Variants in ZFHX3 observed in about 807,000 individuals in gnomAD.
ZFHX3 encodes the protein zinc finger homeobox 3.
In ZFHX3, 42 loss-of-function variants were observed where a neutral mutation model predicts 279.1. The ratio of observed to expected loss-of-function variants is 0.15; its 90% CI spans 0.12 to 0.19. The LOEUF (loss-of-function observed/expected upper bound fraction) is 0.19, where lower values mean the gene tolerates loss of function less well. Ranked by LOEUF, ZFHX3 falls within the 10% of genes least tolerant of loss-of-function variation. The probability of loss-of-function intolerance (pLI) is 1.00; values close to 1 mark genes in which losing one functional copy is unlikely to be tolerated. For missense variants in ZFHX3, 4,981 were observed against 4,754.0 expected (o/e 1.05, Z -1.40); for synonymous variants, 2,293 against 1,957.8 (o/e 1.17, Z -4.52).
intron 2 of ZFHX3, among the ~76,000 whole-genome samples, chr16:73,617,728 TA>T (rs1391710090): frequency 1.3e-5 from 2 of 152,206 alleles, no homozygotes; most frequent in African/African-American, 4.8e-5. Context: ...AACTGTGTTA[TA>T]AAAAAGTATA....
chr16:73,702,078 G>C (rs1002093016), intron 1 of ZFHX3, among the ~76,000 whole-genome samples: 3 of 152,028 alleles, frequency 2.0e-5, no homozygotes, highest in African/African-American at 7.3e-5. Flanking sequence ...CCAAATCAAG[G>C]AGGTGGAGAG....
At chr16:73,851,612 G>A (rs2142380126) in intron 1 of ZFHX3, among the ~76,000 whole-genome samples, 1 of 152,312 alleles carries the variant, frequency 6.6e-6, no homozygotes, top group South Asian at 2.1e-4. Flanking sequence ...TCTTCAAAGT[G>A]TAGCACATAT....
chr16:73,208,078 T>C (rs772116680), intron 5 of ZFHX3, among the ~76,000 whole-genome samples: 1 of 152,126 alleles, frequency 6.6e-6, no homozygotes, highest in African/African-American at 2.4e-5. Flanking sequence ...GCTGGATGGT[T>C]CCATTTTTGA....
intron 5 of ZFHX3, among the ~76,000 whole-genome samples, chr16:73,193,990 G>T (rs1044166646): frequency 6.6e-6 from 1 of 152,134 alleles, no homozygotes; most frequent in African/African-American, 2.4e-5. Flanking sequence ...GAAAGACCTC[G>T]CTAGGACCCT....
At chr16:73,867,616 G>T (rs976903175) in intron 1 of ZFHX3, among the ~76,000 whole-genome samples, 2 of 152,148 alleles carry the variant, frequency 1.3e-5, no homozygotes, top group Admixed American at 6.5e-5. Context: ...TAATCCTCAT[G>T]GTACTTAACA....
At chr16:72,983,629 C>T (rs534525629) in intron 1 of ZFHX3, among the ~76,000 whole-genome samples, 27 of 152,244 alleles carry the variant, frequency 1.8e-4, no homozygotes, top group Non-Finnish European at 3.2e-4. Context: ...ATCGCTTGAG[C>T]CCAGGAGTTC....
intron 5 of ZFHX3, among the ~76,000 whole-genome samples, chr16:72,817,636 G>A (rs1415551220): frequency 2.0e-5 from 3 of 152,180 alleles, no homozygotes; most frequent in Non-Finnish European, 4.4e-5. Flanking sequence ...TCTGGCCAGA[G>A]GCCTCCCTCC....
chr16:73,466,654 A>T (rs1037448151), intron 2 of ZFHX3, among the ~76,000 whole-genome samples: 4 of 152,200 alleles, frequency 2.6e-5, no homozygotes, highest in African/African-American at 9.7e-5. Context: ...TGGAGCATGC[A>T]TGTGTGCACA....
At chr16:73,373,401 G>A (rs2016666634) in intron 3 of ZFHX3, among the ~76,000 whole-genome samples, 1 of 152,276 alleles carries the variant, frequency 6.6e-6, no homozygotes, top group South Asian at 2.1e-4. Flanking sequence ...TGGTCCTCAG[G>A]AGATGGACCT....
chr16:73,822,954 G>C (rs1222573869), intron 1 of ZFHX3, among the ~76,000 whole-genome samples: 1 of 152,154 alleles, frequency 6.6e-6, no homozygotes, highest in East Asian at 1.9e-4. Context: ...TATTCATTCA[G>C]CAAATTTTCA....
At chr16:73,698,264 T>TA (rs2053215755) in intron 1 of ZFHX3, among the ~76,000 whole-genome samples, 1 of 151,832 alleles carries the variant, frequency 6.6e-6, no homozygotes, top group South Asian at 2.1e-4. Context: ...ACTGAATAAA[T>TA]AAAAAATGGA....
At chr16:73,183,513 A>G (rs905035055) in intron 5 of ZFHX3, among the ~76,000 whole-genome samples, 2 of 152,164 alleles carry the variant, frequency 1.3e-5, no homozygotes, top group African/African-American at 4.8e-5. Flanking sequence ...GAAGGGGTCC[A>G]TCCAATGTTC....
chr16:73,303,963 G>GGAAAA (rs781722281), intron 4 of ZFHX3, among the ~76,000 whole-genome samples: 7,245 of 75,904 alleles, frequency 0.095, 321 homozygotes, highest in Non-Finnish European at 0.12. Flanking sequence ...ACCCTAGGTG[G>GGAAAA]AAAAAAAAAA....
intron 3 of ZFHX3, among the ~76,000 whole-genome samples, chr16:73,373,142 TGG>T (rs35207219): frequency 0.34 from 51,693 of 150,684 alleles, 9,252 homozygotes; most frequent in African/African-American, 0.44. Flanking sequence ...TGAGGAGGTT[TGG>T]GGGGGGGGTG....
intron 1 of ZFHX3, among the ~76,000 whole-genome samples, chr16:73,855,456 C>A (rs1393720161): frequency 6.6e-6 from 1 of 152,130 alleles, no homozygotes; most frequent in African/African-American, 2.4e-5. Context: ...AGGTGGGCAG[C>A]CCCCAGAGCA....
chr16:73,226,460 A>T (rs1178260031), intron 5 of ZFHX3, among the ~76,000 whole-genome samples: 3 of 152,248 alleles, frequency 2.0e-5, no homozygotes, highest in Non-Finnish European at 4.4e-5. Context: ...TTAATTGAGC[A>T]AGTACGGGCT....
At position 73,721,831 on chromosome 16, in the gene ZFHX3, G is replaced by C. The variant is rs145726996; in HGVS notation, c.-1607-41591C>G. Among the ~76,000 whole-genome samples the C allele has an allele frequency of 3.0e-3, 458 of 152,324 alleles. 5 individuals carry two copies. The highest frequency in any genetic ancestry group is 0.011 in the African/African-American group (440 of 41,568). Reference sequence around the variant, plus strand: ...AGGCTGAGACAGGCAGATTGCTTGAGCCCAGGAGTTCGAGAACAGCCTGGA... The same window carrying C: ...AGGCTGAGACAGGCAGATTGCTTGACCCCAGGAGTTCGAGAACAGCCTGGA... On this transcript the variant is annotated intron_variant, in intron 1 of 17. Transcript: ENST00000641206.
intron 5 of ZFHX3, among the ~76,000 whole-genome samples, chr16:73,253,804 A>G (rs2013583358): frequency 1.3e-5 from 2 of 152,140 alleles, no homozygotes; most frequent in Admixed American, 1.3e-4. Context: ...GAGCAGAGAC[A>G]GAAGACACAG....
chr16:73,612,940 T>A (rs1440945277), intron 2 of ZFHX3, among the ~76,000 whole-genome samples: 1 of 151,788 alleles, frequency 6.6e-6, no homozygotes, highest in Non-Finnish European at 1.5e-5. Context: ...AAGGAGGAGA[T>A]GAGGGCATAT....
Sources: gnomAD v4.1 joint callset for allele counts (sites outside exome capture counted in the v4.1 genomes callset) on GRCh38, gnomAD v4.1.1 for gene constraint, MANE v1.5 for transcripts, NCBI Gene and HGNC (gene_info 2026-07-23, HGNC 2026-07-21) for gene names.